SGMS1: variants seen among roughly 807,000 people sequenced by gnomAD.
SGMS1 encodes phosphatidylcholine:ceramide cholinephosphotransferase 1.
Under a neutral mutation model 46.2 loss-of-function variants are expected in SGMS1, and 13 were observed. The ratio of observed to expected loss-of-function variants is 0.28; its 90% CI spans 0.18 to 0.45. The LOEUF is 0.45. Among genes scored for constraint, SGMS1 ranks in the 20% least tolerant of loss-of-function variants. SGMS1 has a pLI of 1.00. For synonymous variants in SGMS1, 203 were observed against 187.8 expected (o/e 1.08, Z -0.66); for missense variants, 324 against 519.9 (o/e 0.62, Z 3.66).
chr10:50,477,209 A>C (rs1837435408), intron 3 of SGMS1, among the ~76,000 whole-genome samples: 1 of 152,254 alleles, frequency 6.6e-6, no homozygotes, highest in South Asian at 2.1e-4. Context: ...CATGCCTGGC[A>C]TCAGTGTGGC....
intron 6 of SGMS1, among the ~76,000 whole-genome samples, chr10:50,404,624 C>T (rs1410499965): frequency 6.6e-6 from 1 of 152,140 alleles, no homozygotes; most frequent in Admixed American, 6.5e-5. Flanking sequence ...AATCAGTGAC[C>T]TTTCCAGAGA....
At chr10:50,593,151 C>T (rs1838558733) in intron 1 of SGMS1, among the ~76,000 whole-genome samples, 3 of 152,224 alleles carry the variant, frequency 2.0e-5, no homozygotes, top group South Asian at 2.1e-4. Flanking sequence ...ACTGAGGCCT[C>T]TTGCCAAGAA....
chr10:50,489,207 T>C (rs1333957462), intron 3 of SGMS1, among the ~76,000 whole-genome samples: 1 of 152,192 alleles, frequency 6.6e-6, no homozygotes, highest in Non-Finnish European at 1.5e-5. Context: ...TATCTTTCAT[T>C]GAAAATACAC....
intron 5 of SGMS1, among the ~76,000 whole-genome samples, chr10:50,444,175 A>C (rs1397482661): frequency 6.6e-6 from 1 of 152,186 alleles, no homozygotes; most frequent in Non-Finnish European, 1.5e-5. Flanking sequence ...CATTTAATTA[A>C]AAGGCAGAAA....
At chr10:50,319,512 CCAAT>C (rs2133294965) in intron 8 of SGMS1, among the ~76,000 whole-genome samples, 1 of 152,320 alleles carries the variant, frequency 6.6e-6, no homozygotes, top group African/African-American at 2.4e-5. Flanking sequence ...AGTCTAGGTT[CCAAT>C]CAGAGAATAC....
chr10:50,480,127 A>G (rs1564924855), intron 3 of SGMS1, among the ~76,000 whole-genome samples: 1 of 152,150 alleles, frequency 6.6e-6, no homozygotes, highest in Non-Finnish European at 1.5e-5. Context: ...TCTATAGTAT[A>G]CAGGAACATA....
chr10:50,400,990 T>C (rs1012978703), intron 6 of SGMS1, among the ~76,000 whole-genome samples: 2 of 152,172 alleles, frequency 1.3e-5, no homozygotes, highest in Non-Finnish European at 2.9e-5. Flanking sequence ...ACCAGACCAA[T>C]GGCAGAGACA....
rs879704133 is a variant in SGMS1, at chr10:50,610,088, C to T, written c.-684+13619G>A. 1.4e-3 allele frequency among the ~76,000 whole-genome samples: 207 copies of T among 152,302 alleles called. 5 individuals carry two copies. The highest frequency in any genetic ancestry group is 0.011 in the Admixed American group (165 of 15,300). On this transcript the variant is annotated intron_variant, in intron 1 of 10. Coordinates refer to ENST00000361781, the MANE Select transcript of SGMS1 (RefSeq NM_147156.4). ...CATTGTAGCATCATACGCACCTCCC[C>T]GCCTTTGCTTCCACTAAGTCAAATG...
chr10:50,356,955 A>G (rs1295089077), intron 6 of SGMS1, among the ~76,000 whole-genome samples: 1 of 152,134 alleles, frequency 6.6e-6, no homozygotes, highest in Non-Finnish European at 1.5e-5. Flanking sequence ...ATTAGGAGAT[A>G]TACCTAATGC....
chr10:50,543,967 T>C (rs55669848), intron 2 of SGMS1, among the ~76,000 whole-genome samples: 43,689 of 152,056 alleles, frequency 0.29, 7,086 homozygotes, highest in Middle Eastern at 0.38. Flanking sequence ...CCAAGAGCCA[T>C]CCCCAAAATG....
At chr10:50,581,120 G>A (rs7900424) in intron 2 of SGMS1, among the ~76,000 whole-genome samples, 44,475 of 152,054 alleles carry the variant, frequency 0.29, 7,442 homozygotes, top group East Asian at 0.64. Context: ...AATATTCTCA[G>A]TTTTGAATGC....
intron 8 of SGMS1, among the ~76,000 whole-genome samples, chr10:50,326,963 C>A (rs1419059639): frequency 6.6e-6 from 1 of 151,750 alleles, no homozygotes; most frequent in Admixed American, 6.6e-5. Flanking sequence ...TGGCAGGAAA[C>A]CAAAGAACTA....
chr10:50,320,052 T>C (rs780960691), intron 8 of SGMS1, among the ~76,000 whole-genome samples: 8 of 152,226 alleles, frequency 5.3e-5, no homozygotes, highest in African/African-American at 1.7e-4. Flanking sequence ...TTTAGAGTCA[T>C]ACATGGTTAG....
At chr10:50,609,521 G>GTTTT (rs370846975) in intron 1 of SGMS1, among the ~76,000 whole-genome samples, 5,824 of 116,836 alleles carry the variant, frequency 0.05, 453 homozygotes, top group East Asian at 0.33. Context: ...CTTCTCAATA[G>GTTTT]TTTTTTTTTT....
At position 50,574,963 on chromosome 10, in the gene SGMS1, G is replaced by GTATATATATATATATATATATA. The variant is rs143713324; in HGVS notation, c.-589+15168_-589+15189dup. 6.4e-3 allele frequency among the ~76,000 whole-genome samples: 633 copies of GTATATATATATATATATATATA among 99,646 alleles called. 13 individuals are homozygous for GTATATATATATATATATATATA. The highest frequency in any genetic ancestry group is 0.028 in the East Asian group (58 of 2,036). 65.4% of individuals were successfully genotyped at this position (99,646 alleles called of 152,430 possible). On this transcript the variant is annotated intron_variant, in intron 2 of 10. Coordinates refer to ENST00000361781, the MANE Select transcript of SGMS1 (RefSeq NM_147156.4). ...AAACATTTTAAAAGGAAAATGTGGT[G>GTATATATATATATATATATATA]TATATATATATATATATATATAAAA...
At chr10:50,566,276 C>T (rs577163899) in intron 2 of SGMS1, among the ~76,000 whole-genome samples, 1 of 151,960 alleles carries the variant, frequency 6.6e-6, no homozygotes, top group Non-Finnish European at 1.5e-5. Context: ...AATGAGTCTG[C>T]CCCACTCTTT....
chr10:50,394,567 G>C (rs921657446), intron 6 of SGMS1, among the ~76,000 whole-genome samples: 4 of 152,248 alleles, frequency 2.6e-5, no homozygotes, highest in African/African-American at 9.6e-5. Context: ...TTTTGAAATA[G>C]ATCTGCACAA....
intron 1 of SGMS1, among the ~76,000 whole-genome samples, chr10:50,618,471 G>A (rs1421389424): frequency 6.6e-6 from 1 of 152,088 alleles, no homozygotes; most frequent in African/African-American, 2.4e-5. Context: ...ACCACATTAG[G>A]AAAAGCAAGT....
At chr10:50,578,165 T>A (rs150970337) in intron 2 of SGMS1, among the ~76,000 whole-genome samples, 3 of 152,250 alleles carry the variant, frequency 2.0e-5, no homozygotes, top group Non-Finnish European at 2.9e-5. Context: ...AGGCTAACAA[T>A]AGCTTTTTAC....
Sources: allele counts gnomAD v4.1 joint callset (sites outside exome capture counted in the v4.1 genomes callset), GRCh38; gene constraint gnomAD v4.1.1; transcripts MANE v1.5; gene names NCBI Gene and HGNC (gene_info 2026-07-23, HGNC 2026-07-21).